Variants in TGFB1 observed in about 807,000 individuals in gnomAD.
The protein encoded by TGFB1 is transforming growth factor beta-1 proprotein.
A neutral mutation model predicts 43.8 loss-of-function variants in TGFB1; 19 were observed. The observed-to-expected ratio is 0.43, with a 90% confidence interval of 0.30 to 0.64. The LOEUF is 0.64. Ranked by LOEUF, TGFB1 falls within the 30% of genes least tolerant of loss-of-function variation. TGFB1 has a pLI of 0.11. For missense variants in TGFB1, 445 were observed against 529.8 expected (o/e 0.84, Z 1.57); for synonymous variants, 221 against 236.3 (o/e 0.94, Z 0.60).
At chr19:41,341,107 G>A (rs578251195) in intron 5 of TGFB1, among the ~76,000 whole-genome samples, 11 of 152,126 alleles carry the variant, frequency 7.2e-5, no homozygotes, top group East Asian at 1.9e-4. Flanking sequence ...TGAGGCAGGC[G>A]GATCACGAGG....
chr19:41,331,096 C>A lies in TGFB1; in HGVS notation c.1129G>T (p.Glu377Ter). The A allele has an allele frequency of 6.3e-7, 1 of 1,589,142 alleles. No individual in the cohort carries two copies. Among genetic ancestry groups the A allele is most frequent in the Non-Finnish European group, 8.5e-7 (1 of 1,169,792 alleles). ...VYYVGRKPKV[E>*]QLSNMIVRSC... ...CGCACGATCATGTTGGACAGCTGCT[C>A]CACCTTGGGCTTGCGGCCCACGTAG... Residue 377 changes from glutamate (E) to a stop codon, truncating the protein, a stop_gained, in exon 7 of 7, where the codon GAG (glutamate) becomes TAG (stop). Transcript: ENST00000221930. LOFTEE classifies it high-confidence loss of function.
rs1299100873 is a variant in TGFB1, at chr19:41,353,799, C to T, written c.-755G>A. The T allele has an allele frequency of 1.3e-5, 2 of 151,620 alleles. No individual in the cohort carries two copies. The highest frequency in any genetic ancestry group is 2.4e-5 in the African/African-American group (1 of 41,044). The allele number at this position is 151,620 out of a possible 1,614,324, so 9.4% of individuals were successfully genotyped here. On this transcript the variant is annotated 5_prime_UTR_variant, in exon 1 of 7. Coordinates refer to ENST00000221930, the MANE Select transcript of TGFB1 (RefSeq NM_000660.7). The surrounding 1 kb of genome is among the most constrained non-coding windows in gnomAD (Gnocchi z 5.9). ...GCCGAGGCCGGCCCCGCGGGCGGCTCAGAGCCGGGGGGGTGCCCCGGACGG... is the reference window on the plus strand; with the variant it reads ...GCCGAGGCCGGCCCCGCGGGCGGCTTAGAGCCGGGGGGGTGCCCCGGACGG...
chr19:41,345,234 C>T (rs546744740), intron 2 of TGFB1, among the ~76,000 whole-genome samples: 5 of 152,220 alleles, frequency 3.3e-5, no homozygotes, highest in East Asian at 1.9e-4. Context: ...CAGTGGCTCA[C>T]GCCTGTAATC....
Position 41,341,982 on chromosome 19 carries a change from T to A in TGFB1, c.761A>T (p.Asn254Ile). 3 of 1,614,146 alleles carry A rather than the reference T, an allele frequency of 1.9e-6. No individual in the cohort carries two copies. The highest frequency in any genetic ancestry group is 2.5e-6 in the Non-Finnish European group (3 of 1,180,024). ...GGCCATGAGAAGCAGGAAAGGCCGG[T>A]TCATGCCATGAATGGTGGCCAGGTC... ...RGDLATIHGM[N>I]RPFLLLMATP... The change falls in exon 5 of 7, where the codon AAC becomes ATC. Residue 254 changes from asparagine to isoleucine, a missense_variant. Around this residue, in one of 3 missense-constraint regions of TGFB1, gnomAD observed 366 missense variants for 428.8 expected, o/e 0.85. Coordinates refer to ENST00000221930, the MANE Select transcript of TGFB1 (RefSeq NM_000660.7).
Position 41,353,244 on chromosome 19 carries a change from C to G in TGFB1, c.-200G>C. The G allele has an allele frequency of 1.6e-6, 1 of 606,644 alleles. No homozygotes were observed. Among genetic ancestry groups the G allele is most frequent in the South Asian group, 2.4e-5 (1 of 41,036 alleles). The allele number at this position is 606,644 out of a possible 1,614,324, so 37.6% of individuals were successfully genotyped here. ...GTGTCTCAGTATCCCACGGAAATAA[C>G]CTAGATGGGCGCGATCTGGTACCAG... On this transcript the variant is annotated 5_prime_UTR_variant, in exon 1 of 7. Coordinates refer to ENST00000221930, the MANE Select transcript of TGFB1 (RefSeq NM_000660.7). The surrounding 1 kb of genome is among the most constrained non-coding windows in gnomAD (Gnocchi z 5.9).
chr19:41,341,489 A>G (rs1220693159), intron 5 of TGFB1, among the ~76,000 whole-genome samples: 1 of 150,612 alleles, frequency 6.6e-6, no homozygotes, highest in Non-Finnish European at 1.5e-5. Flanking sequence ...AAAAAAAAAA[A>G]AAGGAACCTG....
intron 5 of TGFB1, among the ~76,000 whole-genome samples, chr19:41,335,537 C>G (rs2037979238): frequency 6.6e-6 from 1 of 152,202 alleles, no homozygotes; most frequent in South Asian, 2.1e-4. Context: ...CCACTGAAAT[C>G]AGAAATTGTG....
intron 6 of TGFB1, 137 bp from the exon 7 acceptor site, chr19:41,331,347 A>T (rs571098675): frequency 4.8e-6 from 5 of 1,052,284 alleles, no homozygotes; most frequent in Non-Finnish European, 6.6e-6. Flanking sequence ...CCCATCTCCA[A>T]TTCGGTCTCT....
At chr19:41,333,800 C>G (rs1295262361) in intron 5 of TGFB1, among the ~76,000 whole-genome samples, 1 of 152,222 alleles carries the variant, frequency 6.6e-6, no homozygotes, top group African/African-American at 2.4e-5. Context: ...CCTTTCTGAG[C>G]CATCCTTTCC....
intron 5 of TGFB1, among the ~76,000 whole-genome samples, chr19:41,340,900 T>G (rs953172834): frequency 6.6e-6 from 1 of 152,148 alleles, no homozygotes; most frequent in South Asian, 2.1e-4. Context: ...TAACACCAAA[T>G]TCTAGCATTC....
chr19:41,336,844 G>A (rs1438437108), intron 5 of TGFB1, among the ~76,000 whole-genome samples: 5 of 151,834 alleles, frequency 3.3e-5, no homozygotes, highest in Non-Finnish European at 7.4e-5. Context: ...TATCTAGACA[G>A]AGTTCACATT....
intron 5 of TGFB1, among the ~76,000 whole-genome samples, chr19:41,337,913 C>T (rs971467757): frequency 5.3e-5 from 8 of 152,122 alleles, no homozygotes; most frequent in African/African-American, 1.2e-4. Flanking sequence ...AGGCATAGGC[C>T]GGGAGCAGTG....
At chr19:41,348,090 C>T (rs2038137410) in intron 2 of TGFB1, among the ~76,000 whole-genome samples, 1 of 151,378 alleles carries the variant, frequency 6.6e-6, no homozygotes, top group African/African-American at 2.4e-5. Context: ...TGAGGTCATA[C>T]CACTGCACTC....
At chr19:41,339,667 A>G (rs976900360) in intron 5 of TGFB1, among the ~76,000 whole-genome samples, 1 of 151,712 alleles carries the variant, frequency 6.6e-6, no homozygotes, top group Non-Finnish European at 1.5e-5. Context: ...TACTAAAAAA[A>G]CCAAAAATTA....
At chr19:41,335,663 C>T (rs1393332258) in intron 5 of TGFB1, among the ~76,000 whole-genome samples, 1 of 152,144 alleles carries the variant, frequency 6.6e-6, no homozygotes. Context: ...TACCCACAGC[C>T]CTTGCCCTTG....
intron 6 of TGFB1, 81 bp downstream of exon 6, chr19:41,332,047 A>C: frequency 1.3e-6 from 2 of 1,532,572 alleles, no homozygotes; most frequent in Non-Finnish European, 1.8e-6. Context: ...CACCTCTCTG[A>C]CTTTACTTCT....
intron 1 of TGFB1, among the ~76,000 whole-genome samples, chr19:41,349,164 G>A (rs1323629095): frequency 2.0e-5 from 3 of 152,310 alleles, no homozygotes; most frequent in East Asian, 3.9e-4. Flanking sequence ...CTCAGATAGT[G>A]CCTCTGCTGC....
At chr19:41,344,679 G>A in intron 3 of TGFB1, 68 bp downstream of exon 3, 2 of 1,453,944 alleles carry the variant, frequency 1.4e-6, no homozygotes, top group Non-Finnish European at 1.9e-6. Context: ...TAGGCAAAGT[G>A]ACCCCAGGAC....
At chr19:41,352,198 T>A (rs2038209042) in intron 1 of TGFB1, among the ~76,000 whole-genome samples, 1 of 152,002 alleles carries the variant, frequency 6.6e-6, no homozygotes, top group Non-Finnish European at 1.5e-5. Flanking sequence ...GTTGCCTTCA[T>A]CTAGCTTTTC....
Sources: allele counts gnomAD v4.1 joint callset (sites outside exome capture counted in the v4.1 genomes callset), GRCh38; gene constraint gnomAD v4.1.1; regional missense constraint gnomAD v4.1.1; non-coding constraint Gnocchi (gnomAD v3.1); transcripts MANE v1.5; gene names NCBI Gene and HGNC (gene_info 2026-07-23, HGNC 2026-07-21).